The following DENND4B variants were observed in gnomAD, a reference collection of about 807,000 sequenced individuals.
The protein encoded by DENND4B is DENN domain-containing protein 4B.
DENND4B carries 67 observed loss-of-function variants against 161.0 expected under a neutral mutation model. The observed-to-expected ratio is 0.42, with a 90% CI of 0.34 to 0.51. DENND4B has a LOEUF of 0.51. Ranked by LOEUF, DENND4B falls within the 20% of genes least tolerant of loss-of-function variation. DENND4B has a pLI of 0.08. For synonymous variants in DENND4B, 753 were observed against 813.8 expected, an observed-to-expected ratio of 0.93 and a Z score of 1.27; for missense variants, 1,481 against 1,968.0, an observed-to-expected ratio of 0.75 and a Z score of 4.68.
In DENND4B at chr1:153,930,662, C is replaced by A. The variant is rs745448760; in HGVS notation, c.4280+30G>T. ...AAAGGGGTGTGGAGCCCCGGACAGA[C>A]CAGGGATCACCCAGATGGTAGCACC... On this transcript the variant is annotated intron_variant, in intron 26 of 27. Coordinates refer to ENST00000361217, the MANE Select transcript of DENND4B (RefSeq NM_014856.3). This position sits in a 1 kb window ranked among gnomAD's most constrained non-coding sequence, Gnocchi z 4.7. 1.9e-6 allele frequency: 3 copies of A among 1,613,468 alleles called. No individual in the cohort carries two copies. The highest frequency in any genetic ancestry group is 1.7e-4 in the Middle Eastern group (1 of 6,060).
intron 13 of DENND4B, 79 bp downstream of exon 13, chr1:153,938,821 C>A (rs1270075991): frequency 9.4e-6 from 14 of 1,491,222 alleles, no homozygotes; most frequent in Admixed American, 2.0e-5. Flanking sequence ...TGCCCGATTC[C>A]GTCTAAAATG....
In DENND4B at chr1:153,934,286, G is replaced by C; in HGVS notation, c.2790C>G (p.Arg930=). 1.3e-6 allele frequency: 2 copies of C among 1,591,282 alleles called. No individual in the cohort carries two copies. Among genetic ancestry groups the C allele is most frequent in the Non-Finnish European group, 8.5e-7 (1 of 1,170,482 alleles). The change falls in exon 19 of 28, where the codon CGC becomes CGG. Residue 930 remains arginine (R), a synonymous_variant. Coordinates refer to ENST00000361217, the MANE Select transcript of DENND4B (RefSeq NM_014856.3). The surrounding 1 kb of genome is among the most constrained non-coding windows in gnomAD (Gnocchi z 5.3). Reference sequence around the variant, plus strand: ...GCTGAAGAGGGCGAGTAGGGGAAGGGCGCTCCAAATAGGGCTCTGTAAAAG... The same window carrying C: ...GCTGAAGAGGGCGAGTAGGGGAAGGCCGCTCCAAATAGGGCTCTGTAAAAG... ...GSSQAEPYLE[R]PSPTRPLQRQ...
Position 153,946,704 on chromosome 1 carries a change from C to T in DENND4B, c.-427G>A, listed in dbSNP as rs1377674024. 2.7e-6 allele frequency: 1 copy of T among 376,014 alleles called. No homozygotes were observed. The highest frequency in any genetic ancestry group is 2.1e-5 in the African/African-American group (1 of 47,620). The allele number at this position is 376,014 out of a possible 1,614,324, so 23.3% of individuals were successfully genotyped here. A position where few individuals can be genotyped will look rare whatever the true frequency, so the allele number is the denominator to read the frequency against. ...CCTCCTCCTCGGCCGGCGGCCGTGA[C>T]CCTGGCAAGCGTCTGCCCAAAGCCC... On this transcript the variant is annotated 5_prime_UTR_variant, in exon 1 of 28. Coordinates refer to ENST00000361217, the MANE Select transcript of DENND4B (RefSeq NM_014856.3). This position sits in a 1 kb window ranked among gnomAD's most constrained non-coding sequence, Gnocchi z 6.3.
Position 153,942,678 on chromosome 1 carries a change from G to T in DENND4B, c.571-53C>A. On this transcript the variant is annotated intron_variant, in intron 3 of 27. Coordinates refer to ENST00000361217, the MANE Select transcript of DENND4B (RefSeq NM_014856.3). The surrounding 1 kb of genome is among the most constrained non-coding windows in gnomAD (Gnocchi z 6.9). ...AGATACATAGCTAACAAAGGTTTCT[G>T]GGGTCCACTTTCTCTCTACCACCCC... 6.6e-7 allele frequency: 1 copy of T among 1,519,558 alleles called. No homozygotes were observed. Among genetic ancestry groups the T allele is most frequent in the Admixed American group, 2.3e-5 (1 of 42,844 alleles). The allele number at this position is 1,519,558 out of a possible 1,614,324, so 94.1% of individuals were successfully genotyped here.
At chr1:153,938,147 G>C (rs985405529) in intron 13 of DENND4B, among the ~76,000 whole-genome samples, 6 of 152,218 alleles carry the variant, frequency 3.9e-5, no homozygotes, top group African/African-American at 1.4e-4. Context: ...AGTGGCTCAC[G>C]CCTGTAATCC....
At position 153,932,953 on chromosome 1, in the gene DENND4B, T is replaced by G. The variant is rs1571033300; in HGVS notation, c.3531A>C (p.Ala1177=). The change falls in exon 22 of 28, where the codon GCA becomes GCC. Residue 1177 remains alanine, a synonymous_variant. Coordinates refer to ENST00000361217, the MANE Select transcript of DENND4B (RefSeq NM_014856.3). This position sits in a 1 kb window ranked among gnomAD's most constrained non-coding sequence, Gnocchi z 5.8. The part of the protein sequence containing the change: ...VYDEEIMAGW[A]PDDSNLNTTC... Reference sequence around the variant, plus strand: ...TTGTGTTGAGGTTAGAGTCATCAGGTGCCCAGCCAGCCATGATTTCCTCAT... The same window carrying G: ...TTGTGTTGAGGTTAGAGTCATCAGGGGCCCAGCCAGCCATGATTTCCTCAT... The G allele has an allele frequency of 1.2e-6, 2 of 1,613,914 alleles. No homozygotes were observed. Among genetic ancestry groups the G allele is most frequent in the African/African-American group, 2.7e-5 (2 of 75,022 alleles).
chr1:153,936,008 C>T lies in DENND4B; in HGVS notation c.2568+52G>A. The T allele has an allele frequency of 1.9e-6, 3 of 1,604,642 alleles. No homozygotes were observed. The highest frequency in any genetic ancestry group is 2.2e-5 in the South Asian group (2 of 89,396). On this transcript the variant is annotated intron_variant, in intron 17 of 27. Coordinates refer to ENST00000361217, the MANE Select transcript of DENND4B (RefSeq NM_014856.3). The surrounding 1 kb of genome is among the most constrained non-coding windows in gnomAD (Gnocchi z 4.1). ...GCGAGGGGAGCAGCAGCAGCCTCCCCTCACACACCCTGGCACAGCTGCCAT... is the reference window on the plus strand; with the variant it reads ...GCGAGGGGAGCAGCAGCAGCCTCCCTTCACACACCCTGGCACAGCTGCCAT...
At position 153,937,427 on chromosome 1, in the gene DENND4B, T is replaced by C. The variant is rs1571045980; in HGVS notation, c.2232+61A>G. On this transcript the variant is annotated intron_variant, in intron 15 of 27. Transcript: ENST00000361217. This position sits in a 1 kb window ranked among gnomAD's most constrained non-coding sequence, Gnocchi z 4.7. ...ATACCCATTTTGTAGATGAGGAAAC[T>C]GAAGCAGCAGCAGCCTTCAGCCTGA... The C allele has an allele frequency of 6.8e-7, 1 of 1,462,236 alleles. No homozygotes were observed. Among genetic ancestry groups the C allele is most frequent in the Non-Finnish European group, 9.1e-7 (1 of 1,104,280 alleles). The allele number at this position is 1,462,236 out of a possible 1,614,324, so 90.6% of individuals were successfully genotyped here. A position where few individuals can be genotyped will look rare whatever the true frequency, so the allele number is the denominator to read the frequency against.
intron 1 of DENND4B, chr1:153,945,116 A>C (rs1679888410): frequency 7.8e-7 from 1 of 1,289,296 alleles, no homozygotes; most frequent in Non-Finnish European, 1.0e-6. Context: ...AAACAGGCCC[A>C]CAACAGCCTA....
rs969065459 is a variant in DENND4B, at chr1:153,932,051, C to T, written c.3996+153G>A. 1.5e-5 allele frequency: 10 copies of T among 683,688 alleles called. No individual in the cohort carries two copies. The highest frequency in any genetic ancestry group is 2.9e-5 in the Admixed American group (1 of 34,514). The allele number at this position is 683,688 out of a possible 1,614,324, so 42.4% of individuals were successfully genotyped here. A position where few individuals can be genotyped will look rare whatever the true frequency, so the allele number is the denominator to read the frequency against. On this transcript the variant is annotated intron_variant, in intron 24 of 27. Coordinates refer to ENST00000361217, the MANE Select transcript of DENND4B (RefSeq NM_014856.3). The surrounding 1 kb of genome is among the most constrained non-coding windows in gnomAD (Gnocchi z 5.8). Reference sequence around the variant, plus strand: ...CGAACTCCTGACCTCAGGTGATTCGCCCACCTCGGCCTCCCAAAGTGCTGG... The same window carrying T: ...CGAACTCCTGACCTCAGGTGATTCGTCCACCTCGGCCTCCCAAAGTGCTGG...
rs1308250287 is a variant in DENND4B, at chr1:153,929,587, T to G, written c.*710A>C. The stretch of plus-strand genomic sequence containing the variant: ...CTTATTGCACAGGTCAGGACCTGGG[T>G]GGGTGAGGCATTCCCCAAGGCGGGG... On this transcript the variant is annotated 3_prime_UTR_variant, in exon 28 of 28. Transcript: ENST00000361217. 1 of 151,988 alleles carries G rather than the reference T, an allele frequency of 6.6e-6. No homozygotes were observed. The highest frequency in any genetic ancestry group is 2.4e-5 in the African/African-American group (1 of 41,344). The allele number at this position is 151,988 out of a possible 1,614,324, so 9.4% of individuals were successfully genotyped here. A position where few individuals can be genotyped will look rare whatever the true frequency, so the allele number is the denominator to read the frequency against.
rs747839376 is a variant in DENND4B at position 153,936,687 on chromosome 1, C to T, written c.2294G>A (p.Arg765Gln). ...KSAAVPELWA[R>Q]CLLGHCYGLW... ...CCCATAGCAGTGCCCCAGCAGGCAC[C>T]GGGCCCACAGCTCAGGCACAGCTGC... is the stretch of plus-strand genomic sequence containing the variant. The change falls in exon 16 of 28, where the codon CGG becomes CAG. Residue 765 changes from arginine (R) to glutamine (Q), a missense_variant. Physicochemically the swap from Arg to Gln is conservative, Grantham distance 43. Transcript: ENST00000361217. The surrounding 1 kb of genome is among the most constrained non-coding windows in gnomAD (Gnocchi z 4.1). 77 of 1,612,326 alleles carry T rather than the reference C, an allele frequency of 4.8e-5. No individual in the cohort carries two copies. The highest frequency in any genetic ancestry group is 1.7e-4 in the South Asian group (15 of 90,890).
chr1:153,940,957 C>CACAAG lies in DENND4B; in HGVS notation c.1272_1273insCTTGT (p.Val425LeufsTer21). On this transcript the variant is annotated frameshift_variant, in exon 9 of 28. Transcript: ENST00000361217. LOFTEE classifies it high-confidence loss of function. This position sits in a 1 kb window ranked among gnomAD's most constrained non-coding sequence, Gnocchi z 5.6. ...AGCAGGTCTGGCCGCAGCGAGTGGA[C>CACAAG]TAGCAGCTTGTGCTCTGTGAGCACA... 1 of 1,598,816 alleles carries CACAAG rather than the reference C, an allele frequency of 6.3e-7. No individual in the cohort carries two copies. Among genetic ancestry groups the CACAAG allele is most frequent in the Non-Finnish European group, 8.5e-7 (1 of 1,174,352 alleles).
rs750469094 is a variant in DENND4B at position 153,944,034 on chromosome 1, G to A, written c.317+24C>T. On this transcript the variant is annotated intron_variant, in intron 2 of 27. Coordinates refer to ENST00000361217, the MANE Select transcript of DENND4B (RefSeq NM_014856.3). This position sits in a 1 kb window ranked among gnomAD's most constrained non-coding sequence, Gnocchi z 4.8. Reference sequence around the variant, plus strand: ...GGAGTCCCTCCCAGCCTCCCCTGGTGCCAGCATGGGTAGGGGCACACACCC... The same window carrying A: ...GGAGTCCCTCCCAGCCTCCCCTGGTACCAGCATGGGTAGGGGCACACACCC... The A allele has an allele frequency of 1.1e-5, 17 of 1,516,452 alleles. No individual in the cohort carries two copies. The highest frequency in any genetic ancestry group is 1.8e-4 in the Middle Eastern group (1 of 5,644). 93.9% of individuals were successfully genotyped at this position (1,516,452 alleles called of 1,614,324 possible).
chr1:153,934,845 C>T lies in DENND4B; in HGVS notation c.2688G>A (p.Gln896=), dbSNP rs763029827. 1 of 1,612,540 alleles carries T rather than the reference C, an allele frequency of 6.2e-7. No homozygotes were observed. ...QFRQPLRERQ[Q]QQQQQQQQQQ... ...GCTGCTGCTGTTGCTGCTGCTGCTG[C>T]TGTTGCCGTTCTCTCAAGGGCTGGC... The change falls in exon 18 of 28, where the codon CAG becomes CAA. Residue 896 remains glutamine, a synonymous_variant. Coordinates refer to ENST00000361217, the MANE Select transcript of DENND4B (RefSeq NM_014856.3). This position sits in a 1 kb window ranked among gnomAD's most constrained non-coding sequence, Gnocchi z 5.3.
chr1:153,935,748 G>A (rs542197474), intron 17 of DENND4B: 1 of 309,992 alleles, frequency 3.2e-6, no homozygotes, highest in Non-Finnish European at 6.3e-6. Context: ...TGGGGATAAT[G>A]ATCATCCCAC....
At chr1:153,935,167 C>G in intron 17 of DENND4B, 1 of 995,614 alleles carries the variant, frequency 1.0e-6, no homozygotes, top group Non-Finnish European at 1.4e-6. Flanking sequence ...TAGAAGAACC[C>G]AGAGGCAGTG....
At chr1:153,945,179 C>G in intron 1 of DENND4B, 2 of 1,289,382 alleles carry the variant, frequency 1.6e-6, no homozygotes, top group Non-Finnish European at 2.0e-6. Flanking sequence ...CCCAAGGGTC[C>G]TGAGGCGCCC....
At chr1:153,939,852 A>G in intron 11 of DENND4B, 48 bp from the exon 12 acceptor site, 1 of 1,575,928 alleles carries the variant, frequency 6.3e-7, no homozygotes, top group Non-Finnish European at 8.7e-7. Context: ...CCATAGTGTT[A>G]CCCTCAACTC....
Sources: gnomAD v4.1 joint callset for allele counts (sites outside exome capture counted in the v4.1 genomes callset) on GRCh38, gnomAD v4.1.1 for gene constraint, Gnocchi (gnomAD v3.1) non-coding constraint, MANE v1.5 for transcripts, NCBI Gene and HGNC (gene_info 2026-07-23, HGNC 2026-07-21) for gene names.